Variants in KCNIP4 observed in about 807,000 individuals in gnomAD.
KCNIP4 encodes the protein Kv channel-interacting protein 4.
A neutral mutation model predicts 34.0 loss-of-function variants in KCNIP4; 12 were observed. The ratio of observed to expected loss-of-function variants is 0.35; its 90% CI spans 0.23 to 0.57. KCNIP4 has a LOEUF of 0.57. KCNIP4 is among the 20% of genes least tolerant of loss of function. KCNIP4 has a pLI of 0.83. For synonymous variants in KCNIP4, 124 were observed against 102.2 expected, an observed-to-expected ratio of 1.21 and a Z score of -1.29; for missense variants, 238 against 311.7, an observed-to-expected ratio of 0.76 and a Z score of 1.78.
chr4:21,009,210 TTC>T (rs1738846030), intron 1 of KCNIP4, among the ~76,000 whole-genome samples: 1 of 152,162 alleles, frequency 6.6e-6, no homozygotes, highest in Non-Finnish European at 1.5e-5. Context: ...AGGAGTGGGA[TTC>T]ATGTTATGAA....
At chr4:21,741,870 C>A (rs1716426017) in intron 1 of KCNIP4, among the ~76,000 whole-genome samples, 1 of 152,030 alleles carries the variant, frequency 6.6e-6, no homozygotes, top group African/African-American at 2.4e-5. Flanking sequence ...AACCCCATTT[C>A]TACTAAAAAT....
chr4:21,463,213 C>G (rs1729625489), intron 1 of KCNIP4, among the ~76,000 whole-genome samples: 1 of 152,110 alleles, frequency 6.6e-6, no homozygotes, highest in African/African-American at 2.4e-5. Flanking sequence ...GTCATTCTAA[C>G]TGGAGTAAGG....
At chr4:20,758,772 C>A in intron 4 of KCNIP4, 49 bp downstream of exon 4, 1 of 1,422,188 alleles carries the variant, frequency 7.0e-7, no homozygotes, top group Admixed American at 1.8e-5. Flanking sequence ...ACACTGCAAG[C>A]ATAATTGTAA....
chr4:21,410,026 T>G (rs62295481), intron 1 of KCNIP4, among the ~76,000 whole-genome samples: 32,461 of 152,116 alleles, frequency 0.21, 4,280 homozygotes, highest in Non-Finnish European at 0.3. Flanking sequence ...AAGCACAATT[T>G]GTACCAATTG....
At chr4:21,244,209 G>C (rs1247080811) in intron 1 of KCNIP4, among the ~76,000 whole-genome samples, 1 of 152,152 alleles carries the variant, frequency 6.6e-6, no homozygotes. Flanking sequence ...AATGTGTAAT[G>C]ATCAAATCAG....
At chr4:20,776,552 C>A (rs1756388189) in intron 3 of KCNIP4, among the ~76,000 whole-genome samples, 1 of 152,108 alleles carries the variant, frequency 6.6e-6, no homozygotes, top group Non-Finnish European at 1.5e-5. Context: ...AGATGATTTT[C>A]TGAAAGAATT....
intron 1 of KCNIP4, among the ~76,000 whole-genome samples, chr4:21,231,314 A>T (rs981686736): frequency 4.6e-5 from 7 of 152,254 alleles, no homozygotes; most frequent in African/African-American, 1.7e-4. Flanking sequence ...GTTTTATCAC[A>T]TTTTCCAAGT....
chr4:21,345,521 TAATC>T (rs1196934208), intron 1 of KCNIP4, among the ~76,000 whole-genome samples: 6 of 152,120 alleles, frequency 3.9e-5, no homozygotes. Context: ...TCTGATTTAT[TAATC>T]AAACCACATA....
intron 3 of KCNIP4, among the ~76,000 whole-genome samples, chr4:20,787,332 G>A (rs1712138647): frequency 6.6e-6 from 1 of 152,080 alleles, no homozygotes; most frequent in African/African-American, 2.4e-5. Context: ...TTATTCAGAT[G>A]AAAATAGTTT....
intron 1 of KCNIP4, among the ~76,000 whole-genome samples, chr4:21,363,357 T>G (rs1719416609): frequency 6.6e-6 from 1 of 152,074 alleles, no homozygotes; most frequent in African/African-American, 2.4e-5. Flanking sequence ...TCTATGAATA[T>G]AGATAAGAGA....
chr4:20,815,354 G>A (rs1379441785), intron 3 of KCNIP4, among the ~76,000 whole-genome samples: 7 of 152,162 alleles, frequency 4.6e-5, no homozygotes, highest in South Asian at 2.1e-4. Flanking sequence ...TTTTAGGCCT[G>A]AACCCCTGCA....
intron 1 of KCNIP4, among the ~76,000 whole-genome samples, chr4:20,886,590 G>GT (rs1425956902): frequency 1.3e-5 from 2 of 152,210 alleles, no homozygotes; most frequent in African/African-American, 4.8e-5. Context: ...AATGCTGCAA[G>GT]TTGTTAGAGT....
At chr4:20,994,351 G>C (rs1737349329) in intron 1 of KCNIP4, among the ~76,000 whole-genome samples, 1 of 152,162 alleles carries the variant, frequency 6.6e-6, no homozygotes, top group Non-Finnish European at 1.5e-5. Context: ...ACTAGTTGAG[G>C]TAAGTGCATG....
intron 1 of KCNIP4, among the ~76,000 whole-genome samples, chr4:20,947,321 A>C (rs1471554674): frequency 6.6e-6 from 1 of 152,108 alleles, no homozygotes; most frequent in Admixed American, 6.6e-5. Flanking sequence ...GACATGCACC[A>C]ACACTCTCGG....
chr4:21,268,669 T>C (rs1761962047), intron 1 of KCNIP4, among the ~76,000 whole-genome samples: 1 of 152,192 alleles, frequency 6.6e-6, no homozygotes, highest in Non-Finnish European at 1.5e-5. Context: ...CATGTGGCCT[T>C]TGAGCCTGTG....
chr4:21,895,114 TG>T (rs1467399762), intron 1 of KCNIP4, among the ~76,000 whole-genome samples: 1 of 152,220 alleles, frequency 6.6e-6, no homozygotes, highest in Non-Finnish European at 1.5e-5. Flanking sequence ...GACAATTTTG[TG>T]GGACATCTTT....
At chr4:21,752,416 C>G (rs1449962527) in intron 1 of KCNIP4, among the ~76,000 whole-genome samples, 1 of 152,016 alleles carries the variant, frequency 6.6e-6, no homozygotes, top group African/African-American at 2.4e-5. Flanking sequence ...GTAAAACCAT[C>G]AGATCTCATG....
chr4:21,168,815 C>G (rs1246839958), intron 1 of KCNIP4, among the ~76,000 whole-genome samples: 5 of 151,902 alleles, frequency 3.3e-5, no homozygotes, highest in Non-Finnish European at 5.9e-5. Flanking sequence ...CTTGTAGGAT[C>G]TCTACACTAT....
chr4:21,179,072 C>G (rs1368484102), intron 1 of KCNIP4, among the ~76,000 whole-genome samples: 1 of 152,154 alleles, frequency 6.6e-6, no homozygotes, highest in Non-Finnish European at 1.5e-5. Flanking sequence ...CTGCCTTGGC[C>G]TCCCAAAGTG....
Sources: allele counts gnomAD v4.1 joint callset (sites outside exome capture counted in the v4.1 genomes callset), GRCh38; gene constraint gnomAD v4.1.1; transcripts MANE v1.5; gene names NCBI Gene and HGNC (gene_info 2026-07-23, HGNC 2026-07-21).